GALNT9: variants seen among roughly 807,000 people sequenced by gnomAD.
GALNT9 encodes GalNAc transferase 9.
A neutral mutation model predicts 63.1 loss-of-function variants in GALNT9; 47 were observed. The ratio of observed to expected loss-of-function variants is 0.75; its 90% CI spans 0.59 to 0.95. The LOEUF is 0.95. Ranked by LOEUF, GALNT9 falls within the 40% of genes least tolerant of loss-of-function variation. The pLI is 0.00. For synonymous variants in GALNT9, 396 were observed against 365.7 expected, an observed-to-expected ratio of 1.08 and a Z score of -0.94; for missense variants, 829 against 874.8, an observed-to-expected ratio of 0.95 and a Z score of 0.66.
At chr12:132,239,301 G>C (rs1878124027) in intron 6 of GALNT9, among the ~76,000 whole-genome samples, 1 of 128,406 alleles carries the variant, frequency 7.8e-6, no homozygotes, top group South Asian at 2.5e-4. Context: ...GAGACAGAGA[G>C]AGACACACAC....
In GALNT9 at chr12:132,329,267, C is replaced by A. The variant is rs1869192996; in HGVS notation, c.-64G>T. On this transcript the variant is annotated 5_prime_UTR_variant, in exon 1 of 11. Coordinates refer to ENST00000328957, the MANE Select transcript of GALNT9 (RefSeq NM_001122636.2). ...CCCAGCATCCCCGCCCGGGCCTGGG[C>A]TTCAGCTTCGGCTTCGGGGACCATG... The A allele has an allele frequency of 6.7e-7, 1 of 1,502,142 alleles. No individual in the cohort carries two copies. Among genetic ancestry groups the A allele is most frequent in the South Asian group, 1.3e-5 (1 of 77,390 alleles). The allele number at this position is 1,502,142 out of a possible 1,614,324, so 93.1% of individuals were successfully genotyped here.
intron 2 of GALNT9, among the ~76,000 whole-genome samples, chr12:132,264,318 C>A (rs942069178): frequency 2.6e-5 from 4 of 152,250 alleles, no homozygotes; most frequent in African/African-American, 4.8e-5. Context: ...GGCAACAGAA[C>A]CTTCCAGATG....
intron 7 of GALNT9, among the ~76,000 whole-genome samples, chr12:132,201,539 C>T (rs933616067): frequency 2.0e-5 from 3 of 152,208 alleles, no homozygotes; most frequent in Non-Finnish European, 2.9e-5. Flanking sequence ...CACACCCACC[C>T]GGGCCCAGGA....
intron 9 of GALNT9, among the ~76,000 whole-genome samples, chr12:132,198,320 C>T (rs570501232): frequency 1.2e-4 from 19 of 152,292 alleles, no homozygotes; most frequent in South Asian, 6.2e-4. Context: ...CGTGTGTGAG[C>T]GGAACACGCA....
intron 1 of GALNT9, among the ~76,000 whole-genome samples, chr12:132,304,854 C>T (rs1432156692): frequency 1.7e-5 from 1 of 57,830 alleles, no homozygotes. Context: ...CACCCTCACC[C>T]GGGCACAGAA....
At chr12:132,311,723 C>T (rs1881818399) in intron 1 of GALNT9, among the ~76,000 whole-genome samples, 1 of 152,110 alleles carries the variant, frequency 6.6e-6, no homozygotes, top group Non-Finnish European at 1.5e-5. Context: ...CAGGACTCCA[C>T]CCTGTTTGTA....
rs1474472469 is a variant in GALNT9, at chr12:132,203,670, G to C, written c.1098C>G (p.Ser366Arg). ...CGCGGGAGCAGGGCAGCACCTCCAT[G>C]CTGCCGCCACACTGCCACACCTGCG... The part of the protein sequence containing the change: ...LGMRVWQCGG[S>R]MEVLPCSRVA... The change falls in exon 7 of 11, where the codon AGC becomes AGG. Residue 366 changes from serine (S) to arginine (R), a missense_variant. Physicochemically the swap from Ser to Arg is moderately radical, Grantham distance 110. Coordinates refer to ENST00000328957, the MANE Select transcript of GALNT9 (RefSeq NM_001122636.2). 1 of 1,612,854 alleles carries C rather than the reference G, an allele frequency of 6.2e-7. No homozygotes were observed. The highest frequency in any genetic ancestry group is 2.2e-5 in the East Asian group (1 of 44,846).
chr12:132,245,664 T>G lies in GALNT9; in HGVS notation c.1077+2246A>C, dbSNP rs1878681780. Among the ~76,000 whole-genome samples the G allele has an allele frequency of 6.6e-6, 1 of 151,722 alleles. No individual in the cohort carries two copies. Among genetic ancestry groups the G allele is most frequent in the Non-Finnish European group, 1.5e-5 (1 of 67,962 alleles). ...CAGCACCCACACCCCCAGCCCGGCC[T>G]GCTGACCCTCGCCCACCACACAGGT... On this transcript the variant is annotated intron_variant, in intron 6 of 10. Coordinates refer to ENST00000328957, the MANE Select transcript of GALNT9 (RefSeq NM_001122636.2). The surrounding 1 kb of genome is among the most constrained non-coding windows in gnomAD (Gnocchi z 6.3).
intron 1 of GALNT9, among the ~76,000 whole-genome samples, chr12:132,290,351 G>A (rs537532184): frequency 5.3e-5 from 8 of 152,238 alleles, no homozygotes; most frequent in East Asian, 1.9e-4. Context: ...AGTGAGAGGC[G>A]GCCCCACCCC....
At chr12:132,219,063 G>T (rs901174739) in intron 6 of GALNT9, among the ~76,000 whole-genome samples, 1 of 152,068 alleles carries the variant, frequency 6.6e-6, no homozygotes, top group African/African-American at 2.4e-5. Context: ...CGTTCGAGGA[G>T]AGCAGAGCCA....
intron 7 of GALNT9, 35 bp downstream of exon 7, chr12:132,203,470 G>A (rs1363720931): frequency 1.2e-6 from 2 of 1,607,160 alleles, no homozygotes; most frequent in Non-Finnish European, 1.7e-6. Flanking sequence ...CGACCCTGGG[G>A]CATGGCCCCG....
intron 2 of GALNT9, among the ~76,000 whole-genome samples, chr12:132,269,608 TG>T (rs1879791747): frequency 6.6e-6 from 1 of 152,126 alleles, no homozygotes; most frequent in African/African-American, 2.4e-5. Flanking sequence ...TGGTCAGACA[TG>T]GTTTCAGCTC....
At chr12:132,326,191 T>C (rs1299769532) in intron 1 of GALNT9, among the ~76,000 whole-genome samples, 2 of 95,808 alleles carry the variant, frequency 2.1e-5, no homozygotes, top group Admixed American at 1.1e-4. Flanking sequence ...TTCCCCTTCT[T>C]TTCCTTGAGT....
chr12:132,197,769 G>GC (rs1424760603), intron 10 of GALNT9, 23 bp downstream of exon 10: 74 of 1,424,254 alleles, frequency 5.2e-5, no homozygotes, highest in Non-Finnish European at 6.1e-5. Flanking sequence ...CAACCCCACG[G>GC]CCCCCCTTCC....
chr12:132,293,835 G>T (rs1310410755), intron 1 of GALNT9, among the ~76,000 whole-genome samples: 1 of 151,792 alleles, frequency 6.6e-6, no homozygotes, highest in African/African-American at 2.4e-5. Context: ...AGAAGCCGGG[G>T]GATCCCGTGT....
At chr12:132,230,452 C>T (rs1248633098) in intron 6 of GALNT9, among the ~76,000 whole-genome samples, 1 of 152,246 alleles carries the variant, frequency 6.6e-6, no homozygotes, top group Non-Finnish European at 1.5e-5. Context: ...CGTTCGCTGC[C>T]AGATCGACGG....
In GALNT9 at chr12:132,315,120, C is replaced by T. The variant is rs1013098424; in HGVS notation, c.238+13846G>A. On this transcript the variant is annotated intron_variant, in intron 1 of 10. Coordinates refer to ENST00000328957, the MANE Select transcript of GALNT9 (RefSeq NM_001122636.2). This position sits in a 1 kb window ranked among gnomAD's most constrained non-coding sequence, Gnocchi z 6.1. ...GTGGCCCAGGGGGAGGTGGTGGGGC[C>T]GGGCTCTGAGTCCAGGCGGCCCAGC... Among the ~76,000 whole-genome samples the T allele has an allele frequency of 6.6e-6, 1 of 152,112 alleles. No individual in the cohort carries two copies. Among genetic ancestry groups the T allele is most frequent in the Admixed American group, 6.6e-5 (1 of 15,266 alleles).
intron 5 of GALNT9, among the ~76,000 whole-genome samples, chr12:132,253,019 A>T (rs1029154213): frequency 5.9e-5 from 9 of 152,204 alleles, no homozygotes; most frequent in Admixed American, 1.3e-4. Context: ...AAGTCACATG[A>T]TCACAGGACA....
chr12:132,254,256 G>A (rs1222607424), intron 5 of GALNT9, among the ~76,000 whole-genome samples: 1 of 152,096 alleles, frequency 6.6e-6, no homozygotes, highest in Admixed American at 6.5e-5. Flanking sequence ...TGATCCACCC[G>A]CCTCGGCCTC....
Sources: allele counts gnomAD v4.1 joint callset (sites outside exome capture counted in the v4.1 genomes callset), GRCh38; gene constraint gnomAD v4.1.1; non-coding constraint Gnocchi (gnomAD v3.1); transcripts MANE v1.5; gene names NCBI Gene and HGNC (gene_info 2026-07-23, HGNC 2026-07-21).